FAT3: variants seen among roughly 807,000 people sequenced by gnomAD.
The protein encoded by FAT3 is FAT atypical cadherin 3, also known as protocadherin Fat 3.
Under a neutral mutation model 310.2 loss-of-function variants are expected in FAT3, and 95 were observed. The ratio of observed to expected loss-of-function variants is 0.31; its 90% CI spans 0.26 to 0.36. The LOEUF (loss-of-function observed/expected upper bound fraction) is 0.36. Among genes scored for constraint, FAT3 ranks in the 10% least tolerant of loss-of-function variants. The probability of loss-of-function intolerance (pLI) is 1.00; values close to 1 mark genes in which losing one functional copy is unlikely to be tolerated. For missense variants in FAT3, 5,408 were observed against 5,715.6 expected, an observed-to-expected ratio of 0.95 and a Z score of 1.74; for synonymous variants, 2,314 against 2,192.9, an observed-to-expected ratio of 1.06 and a Z score of -1.54.
At chr11:92,244,421 T>C (rs1024318874) in intron 1 of FAT3, among the ~76,000 whole-genome samples, 4 of 152,160 alleles carry the variant, frequency 2.6e-5, no homozygotes, top group Non-Finnish European at 4.4e-5. Context: ...ACTTGGCTCT[T>C]GCACAGATCA....
chr11:92,665,767 T>G (rs1369309697), intron 3 of FAT3, among the ~76,000 whole-genome samples: 1 of 152,184 alleles, frequency 6.6e-6, no homozygotes, highest in Non-Finnish European at 1.5e-5. Context: ...TTCAAGAACT[T>G]TTATGTTCAT....
At chr11:92,852,599 C>A (rs1948861426) in intron 19 of FAT3, among the ~76,000 whole-genome samples, 2 of 152,008 alleles carry the variant, frequency 1.3e-5, no homozygotes, top group African/African-American at 4.8e-5. Flanking sequence ...CTATTAAAAA[C>A]AGAAAGAAAG....
At chr11:92,419,459 G>A (rs1950492574) in intron 2 of FAT3, among the ~76,000 whole-genome samples, 1 of 152,010 alleles carries the variant, frequency 6.6e-6, no homozygotes, top group South Asian at 2.1e-4. Context: ...TGTTAATTCT[G>A]GTATAGGATG....
intron 3 of FAT3, among the ~76,000 whole-genome samples, chr11:92,642,238 C>T (rs1339387878): frequency 6.6e-6 from 1 of 152,228 alleles, no homozygotes; most frequent in Non-Finnish European, 1.5e-5. Flanking sequence ...TTCCCATCTT[C>T]ACCCTGTGCT....
chr11:92,258,487 A>G (rs1414572629), intron 1 of FAT3, among the ~76,000 whole-genome samples: 1 of 151,988 alleles, frequency 6.6e-6, no homozygotes, highest in African/African-American at 2.4e-5. Flanking sequence ...TGGGTATAGG[A>G]GCATGAAAGA....
At chr11:92,875,187 T>C (rs1384863268) in intron 22 of FAT3, among the ~76,000 whole-genome samples, 1 of 150,230 alleles carries the variant, frequency 6.7e-6, no homozygotes. Flanking sequence ...CTGACCACTT[T>C]TAAAAAATTC....
chr11:92,425,244 A>T (rs1489131239), intron 2 of FAT3, among the ~76,000 whole-genome samples: 2 of 151,968 alleles, frequency 1.3e-5, no homozygotes, highest in Non-Finnish European at 2.9e-5. Flanking sequence ...TTTGAATTCT[A>T]GGATTATAGC....
Position 92,844,240 on chromosome 11 carries a change from G to A in FAT3, c.10873G>A (p.Gly3625Ser). The A allele has an allele frequency of 6.2e-7, 1 of 1,614,016 alleles. No homozygotes were observed. Among genetic ancestry groups the A allele is most frequent in the Non-Finnish European group, 8.5e-7 (1 of 1,179,908 alleles). The change falls in exon 19 of 28, where the codon GGT becomes AGT. Residue 3625 changes from glycine to serine, a missense_variant. Gly to Ser is a moderately conservative substitution (Grantham distance 56, BLOSUM62 0). Transcript: ENST00000525166. ...KYVLNVSVSDGRFQVPIDVVV... is the reference protein window; with the variant it reads ...KYVLNVSVSDSRFQVPIDVVV... ...TGTCCTGAATGTGTCTGTGAGTGAT[G>A]GTCGCTTCCAGGTACCCATTGATGT... is the stretch of plus-strand genomic sequence containing the variant.
chr11:92,269,503 A>G (rs959642555), intron 1 of FAT3, among the ~76,000 whole-genome samples: 1 of 152,208 alleles, frequency 6.6e-6, no homozygotes, highest in Non-Finnish European at 1.5e-5. Flanking sequence ...TTGAACAAGC[A>G]GAACTTTTTT....
At chr11:92,685,834 G>A (rs34155023) in intron 3 of FAT3, among the ~76,000 whole-genome samples, 5,245 of 152,220 alleles carry the variant, frequency 0.034, 133 homozygotes, top group Middle Eastern at 0.078. Context: ...TAAAGGAATT[G>A]TTTATGAAGT....
chr11:92,238,567 G>T (rs1000059401), intron 1 of FAT3, among the ~76,000 whole-genome samples: 3 of 152,026 alleles, frequency 2.0e-5, no homozygotes, highest in South Asian at 2.1e-4. Flanking sequence ...TTACAGATGG[G>T]GAAAGGGCTC....
At chr11:92,311,522 C>T (rs1160677863) in intron 1 of FAT3, among the ~76,000 whole-genome samples, 1 of 152,086 alleles carries the variant, frequency 6.6e-6, no homozygotes, top group African/African-American at 2.4e-5. Context: ...AGAATTTGCT[C>T]CAAAGAGCAT....
At chr11:92,300,973 T>G (rs1380142914) in intron 1 of FAT3, among the ~76,000 whole-genome samples, 1 of 152,180 alleles carries the variant, frequency 6.6e-6, no homozygotes, top group Non-Finnish European at 1.5e-5. Flanking sequence ...GCATTTAACT[T>G]CTTCCACATT....
At chr11:92,577,088 C>T (rs1938522548) in intron 3 of FAT3, among the ~76,000 whole-genome samples, 1 of 151,704 alleles carries the variant, frequency 6.6e-6, no homozygotes, top group Non-Finnish European at 1.5e-5. Context: ...TCAGGCATTA[C>T]CTTGTTTTTA....
At chr11:92,229,433 G>A (rs1220719145) in intron 1 of FAT3, among the ~76,000 whole-genome samples, 3 of 149,146 alleles carry the variant, frequency 2.0e-5, no homozygotes, top group African/African-American at 7.4e-5. Flanking sequence ...CAATTGCAGG[G>A]TATCTACTCC....
intron 18 of FAT3, among the ~76,000 whole-genome samples, chr11:92,841,669 G>C (rs1050706907): frequency 6.6e-6 from 1 of 152,176 alleles, no homozygotes; most frequent in African/African-American, 2.4e-5. Flanking sequence ...CAGAAACTAG[G>C]ACAGTTTGCC....
chr11:92,423,773 G>C (rs1279873480), intron 2 of FAT3, among the ~76,000 whole-genome samples: 1 of 152,198 alleles, frequency 6.6e-6, no homozygotes, highest in Non-Finnish European at 1.5e-5. Context: ...TCAGGTAAGA[G>C]TTTATGTTAC....
chr11:92,504,443 C>G lies in FAT3; in HGVS notation c.3293-20191C>G, dbSNP rs1157540512. ...CCAAAAGACTGTTGGTCCTGAACAA[C>G]TATTACTTAGGGGTTTAATATTGGT... On this transcript the variant is annotated intron_variant, in intron 2 of 27. Transcript: ENST00000525166. Among the ~76,000 whole-genome samples, 3 of 152,168 alleles carry G rather than the reference C, an allele frequency of 2.0e-5. No individual in the cohort carries two copies. The East Asian group carries it at 5.8e-4, about 29-fold the overall frequency.
chr11:92,646,107 A>G (rs1942156273), intron 3 of FAT3, among the ~76,000 whole-genome samples: 1 of 152,218 alleles, frequency 6.6e-6, no homozygotes, highest in Non-Finnish European at 1.5e-5. Flanking sequence ...ATAGGAATTC[A>G]GGCAGGAATT....
Sources: gnomAD v4.1 joint callset for allele counts (sites outside exome capture counted in the v4.1 genomes callset) on GRCh38, gnomAD v4.1.1 for gene constraint, MANE v1.5 for transcripts, NCBI Gene and HGNC (gene_info 2026-07-23, HGNC 2026-07-21) for gene names.